The following NTRK3 variants were observed in gnomAD, a reference collection of about 807,000 sequenced individuals.
The protein encoded by NTRK3 is neurotrophic receptor tyrosine kinase 3.
In NTRK3, 24 loss-of-function variants were observed where a neutral mutation model predicts 91.7. The ratio of observed to expected loss-of-function variants is 0.26; its 90% CI spans 0.19 to 0.37. The LOEUF is 0.37. Among genes scored for constraint, NTRK3 ranks in the 10% least tolerant of loss-of-function variants. The pLI is 1.00. For synonymous variants in NTRK3, 483 were observed against 404.0 expected (o/e 1.20, Z -2.34); for missense variants, 880 against 1,068.9 (o/e 0.82, Z 2.46).
exon 19 of NTRK3, chr15:87,867,715 G>C: frequency 4.4e-6 from 1 of 228,820 alleles, no homozygotes; most frequent in Non-Finnish European, 8.7e-6. Context: ...CAATTTGAGT[G>C]TCTGAGCTTC....
chr15:88,007,636 G>A (rs2076588843), intron 14 of NTRK3, among the ~76,000 whole-genome samples: 2 of 152,162 alleles, frequency 1.3e-5, no homozygotes, highest in Admixed American at 1.3e-4. Context: ...GTTTGTGCCT[G>A]GGAAGCCTGT....
chr15:88,099,311 G>A, intron 13 of NTRK3: 1 of 214,254 alleles, frequency 4.7e-6, no homozygotes, highest in Admixed American at 5.9e-5. Flanking sequence ...TCCAGCTGAT[G>A]AAAAGAAAAA....
At chr15:88,158,732 G>A (rs573696015) in intron 5 of NTRK3, among the ~76,000 whole-genome samples, 15 of 152,292 alleles carry the variant, frequency 9.8e-5, no homozygotes, top group African/African-American at 2.9e-4. Context: ...CCAGGTGGGC[G>A]CTGCCAGGCA....
At chr15:87,940,583 C>T (rs2069734259) in intron 15 of NTRK3, 40 bp downstream of exon 15, 2 of 1,612,628 alleles carry the variant, frequency 1.2e-6, no homozygotes, top group African/African-American at 2.7e-5. Context: ...GGGCCCTCAG[C>T]CAGCCCTCCT....
chr15:88,192,997 T>C (rs1021036541), intron 3 of NTRK3, among the ~76,000 whole-genome samples: 6 of 152,194 alleles, frequency 3.9e-5, no homozygotes, highest in African/African-American at 1.4e-4. Context: ...GTCTCTACAT[T>C]AGAACCATAA....
At chr15:88,106,330 A>G (rs2050705805) in intron 13 of NTRK3, among the ~76,000 whole-genome samples, 2 of 152,228 alleles carry the variant, frequency 1.3e-5, no homozygotes, top group South Asian at 2.1e-4. Context: ...GAGCTGAGCA[A>G]CCCTGGCCTG....
intron 13 of NTRK3, among the ~76,000 whole-genome samples, chr15:88,064,092 G>C (rs895607131): frequency 6.6e-6 from 1 of 152,186 alleles, no homozygotes; most frequent in Non-Finnish European, 1.5e-5. Flanking sequence ...CAGAGACACA[G>C]AGAAGAAGGT....
intron 12 of NTRK3, among the ~76,000 whole-genome samples, chr15:88,126,648 C>T (rs1373539905): frequency 1.3e-5 from 2 of 152,166 alleles, no homozygotes; most frequent in African/African-American, 4.8e-5. Context: ...GATGCAAAAA[C>T]AAGCCTAGAG....
At chr15:87,981,058 C>G (rs1244516219) in intron 14 of NTRK3, among the ~76,000 whole-genome samples, 1 of 152,170 alleles carries the variant, frequency 6.6e-6, no homozygotes, top group East Asian at 1.9e-4. Context: ...GGAAGACACT[C>G]CTTTAATTTA....
chr15:88,024,859 T>A (rs573341553), intron 14 of NTRK3, among the ~76,000 whole-genome samples: 12 of 152,224 alleles, frequency 7.9e-5, no homozygotes, highest in Non-Finnish European at 1.6e-4. Context: ...CATGGACACA[T>A]TGGTTGGTAC....
At chr15:88,154,311 G>A (rs945444011) in intron 5 of NTRK3, among the ~76,000 whole-genome samples, 2 of 152,124 alleles carry the variant, frequency 1.3e-5, no homozygotes, top group African/African-American at 2.4e-5. Context: ...TCCTTGGGTT[G>A]AAGCAGTGGG....
At chr15:88,162,533 G>T (rs1039155179) in intron 5 of NTRK3, among the ~76,000 whole-genome samples, 32 of 152,266 alleles carry the variant, frequency 2.1e-4, no homozygotes, top group African/African-American at 7.0e-4. Context: ...GAGCATGGAG[G>T]GAACCATCAC....
intron 13 of NTRK3, among the ~76,000 whole-genome samples, chr15:88,056,202 A>AT (rs59829232): frequency 2.2e-4 from 23 of 104,850 alleles, no homozygotes; most frequent in African/African-American, 6.3e-4. Context: ...ATATATATAT[A>AT]TTTTTTTTTT....
chr15:87,884,980 G>A (rs745825068), intron 17 of NTRK3, among the ~76,000 whole-genome samples: 1 of 151,772 alleles, frequency 6.6e-6, no homozygotes, highest in Non-Finnish European at 1.5e-5. Flanking sequence ...AAAACAAAAC[G>A]TCAAACTGCC....
chr15:88,064,843 G>A (rs16941206), intron 13 of NTRK3, among the ~76,000 whole-genome samples: 57,768 of 151,946 alleles, frequency 0.38, 11,210 homozygotes, highest in Non-Finnish European at 0.42. Context: ...ACATGCAATG[G>A]GCTAAATGAA....
At chr15:88,029,115 G>A (rs1567252170) in intron 14 of NTRK3, among the ~76,000 whole-genome samples, 1 of 152,222 alleles carries the variant, frequency 6.6e-6, no homozygotes. Flanking sequence ...TCCATTTCCT[G>A]ATGCTCTCAA....
chr15:88,130,593 G>A (rs2041236852), intron 10 of NTRK3, among the ~76,000 whole-genome samples: 1 of 152,010 alleles, frequency 6.6e-6, no homozygotes, highest in African/African-American at 2.4e-5. Flanking sequence ...TGCACTGAGA[G>A]GGCAGAGCAT....
At chr15:88,198,668 C>CCCT (rs2048036687) in intron 3 of NTRK3, among the ~76,000 whole-genome samples, 1 of 152,152 alleles carries the variant, frequency 6.6e-6, no homozygotes, top group Non-Finnish European at 1.5e-5. Flanking sequence ...ATTTTGTTCA[C>CCCT]CCTCCTCGTG....
chr15:88,125,433 C>T (rs1186287475), intron 13 of NTRK3, among the ~76,000 whole-genome samples: 1 of 152,176 alleles, frequency 6.6e-6, no homozygotes, highest in Admixed American at 6.5e-5. Context: ...TGAGTCCTGG[C>T]TCAGCAAACT....
Sources: gnomAD v4.1 joint callset for allele counts (sites outside exome capture counted in the v4.1 genomes callset) on GRCh38, gnomAD v4.1.1 for gene constraint, MANE v1.5 for transcripts, NCBI Gene and HGNC (gene_info 2026-07-23, HGNC 2026-07-21) for gene names.